The following JAZF1 variants were observed in gnomAD, a reference collection of about 807,000 sequenced individuals.
The protein encoded by JAZF1 is juxtaposed with another zinc finger protein 1.
JAZF1 carries 8 observed loss-of-function variants against 26.4 expected under a neutral mutation model. The observed-to-expected ratio is 0.30, with a 90% CI of 0.18 to 0.55. JAZF1 has a LOEUF of 0.55. Ranked by LOEUF, JAZF1 falls within the 20% of genes least tolerant of loss-of-function variation. The probability of loss-of-function intolerance (pLI) is 0.94; values close to 1 mark genes in which losing one functional copy is unlikely to be tolerated. For synonymous variants in JAZF1, 126 were observed against 122.3 expected, an observed-to-expected ratio of 1.03 and a Z score of -0.20; for missense variants, 199 against 322.0, an observed-to-expected ratio of 0.62 and a Z score of 2.92.
intron 1 of JAZF1, among the ~76,000 whole-genome samples, chr7:28,166,474 T>G (rs184209263): frequency 6.6e-6 from 1 of 152,302 alleles, no homozygotes; most frequent in Non-Finnish European, 1.5e-5. Flanking sequence ...GTTCTCGGAT[T>G]TCTTCATAAA....
chr7:27,975,078 G>C (rs1219810278), intron 2 of JAZF1, among the ~76,000 whole-genome samples: 2 of 151,912 alleles, frequency 1.3e-5, no homozygotes, highest in Non-Finnish European at 2.9e-5. Flanking sequence ...GTAGAGATGG[G>C]GTTTCACCAT....
chr7:27,963,568 C>T (rs1397166221), intron 2 of JAZF1, among the ~76,000 whole-genome samples: 13 of 111,396 alleles, frequency 1.2e-4, no homozygotes, highest in Admixed American at 5.5e-4. Flanking sequence ...TCCCCCCCCC[C>T]CTTTTTTTTT....
At chr7:27,839,547 G>A (rs1782882677) in intron 4 of JAZF1, among the ~76,000 whole-genome samples, 2 of 152,170 alleles carry the variant, frequency 1.3e-5, no homozygotes, top group Admixed American at 1.3e-4. Flanking sequence ...GATGCGTCCT[G>A]AGACCTGTTC....
chr7:28,119,767 G>A (rs369691522), intron 1 of JAZF1, among the ~76,000 whole-genome samples: 2 of 152,088 alleles, frequency 1.3e-5, no homozygotes, highest in South Asian at 2.1e-4. Flanking sequence ...TACCCACTAC[G>A]TGCCAGATGC....
intron 1 of JAZF1, among the ~76,000 whole-genome samples, chr7:28,076,401 C>A (rs1234310999): frequency 6.6e-6 from 1 of 151,994 alleles, no homozygotes; most frequent in African/African-American, 2.4e-5. Flanking sequence ...CATATACCAC[C>A]CATACACTTG....
chr7:28,091,425 C>T (rs1225205710), intron 1 of JAZF1, among the ~76,000 whole-genome samples: 1 of 151,896 alleles, frequency 6.6e-6, no homozygotes, highest in Admixed American at 6.5e-5. Flanking sequence ...CAATTTTCAC[C>T]ACTAAGAACA....
chr7:28,045,577 T>A (rs1783481993), intron 1 of JAZF1, among the ~76,000 whole-genome samples: 1 of 152,200 alleles, frequency 6.6e-6, no homozygotes, highest in East Asian at 1.9e-4. Flanking sequence ...CACAGCAGAA[T>A]TTTGTTTTTG....
At position 27,972,777 on chromosome 7, in the gene JAZF1, T is replaced by G. The variant is rs184596878; in HGVS notation, c.188+19132A>C. Among the ~76,000 whole-genome samples, 10 of 152,166 alleles carry G rather than the reference T, an allele frequency of 6.6e-5. No homozygotes were observed. In the East Asian group the frequency reaches 1.9e-3, roughly 29 times the overall value. On this transcript the variant is annotated intron_variant, in intron 2 of 4. Transcript: ENST00000283928. ...TTGCTGTTAAAAAGAACGACTTAGA[T>G]CTATCTCTATTGACCTGGAAGGATG...
intron 2 of JAZF1, among the ~76,000 whole-genome samples, chr7:27,910,814 G>A (rs1784348202): frequency 6.6e-6 from 1 of 152,116 alleles, no homozygotes. Context: ...GGTGACCAGG[G>A]AGCCTCTTTC....
intron 3 of JAZF1, among the ~76,000 whole-genome samples, chr7:27,861,917 C>G (rs896921005): frequency 2.6e-5 from 4 of 152,188 alleles, no homozygotes; most frequent in African/African-American, 4.8e-5. Flanking sequence ...GGACTTCTAC[C>G]ACTCAGGATG....
chr7:28,021,177 G>T (rs1029233554), intron 1 of JAZF1, among the ~76,000 whole-genome samples: 3 of 152,136 alleles, frequency 2.0e-5, no homozygotes, highest in African/African-American at 7.2e-5. Flanking sequence ...CGGGCCGAGA[G>T]AGTTCTTGCA....
chr7:27,915,251 C>T (rs1784426734), intron 2 of JAZF1, among the ~76,000 whole-genome samples: 1 of 152,120 alleles, frequency 6.6e-6, no homozygotes, highest in Admixed American at 6.5e-5. Flanking sequence ...CTTTATAATG[C>T]TATGTTTCAA....
At chr7:28,097,202 C>T (rs1422472248) in intron 1 of JAZF1, among the ~76,000 whole-genome samples, 1 of 152,144 alleles carries the variant, frequency 6.6e-6, no homozygotes, top group Non-Finnish European at 1.5e-5. Context: ...TCTTGGCTCC[C>T]ACCACTGCAT....
intron 1 of JAZF1, among the ~76,000 whole-genome samples, chr7:28,164,149 A>G (rs979009454): frequency 5.3e-5 from 8 of 152,200 alleles, no homozygotes; most frequent in African/African-American, 1.9e-4. Flanking sequence ...AGCCCAACCC[A>G]CAGCAGATTA....
intron 2 of JAZF1, among the ~76,000 whole-genome samples, chr7:27,899,506 TG>T (rs1362703685): frequency 1.3e-5 from 2 of 152,162 alleles, no homozygotes; most frequent in East Asian, 3.9e-4. Context: ...GTGATTACAG[TG>T]CACCGAAGCA....
chr7:27,951,540 C>G (rs1785008709), intron 2 of JAZF1, among the ~76,000 whole-genome samples: 1 of 152,180 alleles, frequency 6.6e-6, no homozygotes, highest in African/African-American at 2.4e-5. Flanking sequence ...GTTTTTATAG[C>G]TTCAAGAATC....
intron 1 of JAZF1, among the ~76,000 whole-genome samples, chr7:28,017,731 G>C (rs1782920933): frequency 6.6e-6 from 1 of 152,174 alleles, no homozygotes; most frequent in South Asian, 2.1e-4. Context: ...TGGTGAAAAA[G>C]ACCAGCAAAT....
chr7:27,846,523 C>T (rs1381698363), intron 3 of JAZF1: 1 of 471,066 alleles, frequency 2.1e-6, no homozygotes, highest in Non-Finnish European at 4.4e-6. Context: ...GTGCAGACAT[C>T]TTCCTGGGGT....
At chr7:27,943,188 C>G (rs187698561) in intron 2 of JAZF1, among the ~76,000 whole-genome samples, 15 of 152,244 alleles carry the variant, frequency 9.9e-5, no homozygotes, top group African/African-American at 3.6e-4. Flanking sequence ...GGGACTGTCT[C>G]AAGTGAACCC....
Sources: gnomAD v4.1 joint callset for allele counts (sites outside exome capture counted in the v4.1 genomes callset) on GRCh38, gnomAD v4.1.1 for gene constraint, MANE v1.5 for transcripts, NCBI Gene and HGNC (gene_info 2026-07-23, HGNC 2026-07-21) for gene names.